Variants in FOXN3 observed in about 807,000 individuals in gnomAD.
FOXN3 encodes forkhead box N3.
Under a neutral mutation model 38.4 loss-of-function variants are expected in FOXN3, and 7 were observed. The observed-to-expected ratio is 0.18, with a 90% CI of 0.10 to 0.34. FOXN3 has a LOEUF of 0.34. FOXN3 is among the 10% of genes least tolerant of loss of function. The probability of loss-of-function intolerance (pLI) is 1.00; values close to 1 mark genes in which losing one functional copy is unlikely to be tolerated. For synonymous variants in FOXN3, 230 were observed against 242.2 expected, an observed-to-expected ratio of 0.95 and a Z score of 0.47; for missense variants, 456 against 613.4, an observed-to-expected ratio of 0.74 and a Z score of 2.71.
intron 1 of FOXN3, among the ~76,000 whole-genome samples, chr14:89,564,102 G>C (rs903827427): frequency 6.6e-6 from 1 of 152,002 alleles, no homozygotes; most frequent in African/African-American, 2.4e-5. Context: ...TAATCCACCC[G>C]CCTCGGCCTC....
intron 1 of FOXN3, among the ~76,000 whole-genome samples, chr14:89,477,886 C>A: frequency 6.6e-6 from 1 of 151,866 alleles, no homozygotes; most frequent in East Asian, 1.9e-4. Context: ...AAAAAATAAC[C>A]AAAGTCCTTT....
chr14:89,540,769 T>G (rs1167474118), intron 1 of FOXN3, among the ~76,000 whole-genome samples: 1 of 149,202 alleles, frequency 6.7e-6, no homozygotes, highest in Non-Finnish European at 1.5e-5. Context: ...AATGAACGAG[T>G]TATATGCCTT....
At chr14:89,463,774 G>GTC (rs1170094701) in intron 1 of FOXN3, among the ~76,000 whole-genome samples, 42 of 140,342 alleles carry the variant, frequency 3.0e-4, no homozygotes, top group African/African-American at 1.0e-3. Context: ...AGGGGTAGTG[G>GTC]TCTCTCTCTC....
chr14:89,415,294 C>T (rs1352649750), intron 1 of FOXN3, among the ~76,000 whole-genome samples: 1 of 152,164 alleles, frequency 6.6e-6, no homozygotes, highest in Non-Finnish European at 1.5e-5. Flanking sequence ...TGACAACATG[C>T]TGCTCTCTTT....
At chr14:89,401,935 T>TGTATTTA (rs1891260830) in intron 2 of FOXN3, among the ~76,000 whole-genome samples, 1 of 152,160 alleles carries the variant, frequency 6.6e-6, no homozygotes, top group Non-Finnish European at 1.5e-5. Flanking sequence ...GCGTATAGCC[T>TGTATTTA]CTCTGCCTGT....
chr14:89,466,435 C>T (rs7148254), intron 1 of FOXN3, among the ~76,000 whole-genome samples: 10,573 of 152,192 alleles, frequency 0.069, 871 homozygotes, highest in African/African-American at 0.2. Flanking sequence ...GTGCCAGTTG[C>T]TTTCTAAGGC....
chr14:89,375,297 C>T (rs1859858018), intron 2 of FOXN3, among the ~76,000 whole-genome samples: 1 of 152,056 alleles, frequency 6.6e-6, no homozygotes, highest in African/African-American at 2.4e-5. Context: ...AATTATGCCT[C>T]AATGAAGTTT....
At chr14:89,533,724 A>G (rs2139839847) in intron 1 of FOXN3, among the ~76,000 whole-genome samples, 1 of 150,894 alleles carries the variant, frequency 6.6e-6, no homozygotes, top group African/African-American at 2.4e-5. Flanking sequence ...AAAGCTTATT[A>G]TCAGCAAAGT....
At chr14:89,431,179 T>G (rs1218476559) in intron 1 of FOXN3, among the ~76,000 whole-genome samples, 1 of 152,238 alleles carries the variant, frequency 6.6e-6, no homozygotes, top group Non-Finnish European at 1.5e-5. Flanking sequence ...GGTCTCTACG[T>G]GTTTAGCACA....
At chr14:89,593,110 GA>G in intron 1 of FOXN3, among the ~76,000 whole-genome samples, 1 of 139,364 alleles carries the variant, frequency 7.2e-6, no homozygotes, top group Non-Finnish European at 1.6e-5. Flanking sequence ...AAAGAAAGGA[GA>G]GAGAGAGAAA....
upstream of FOXN3, among the ~76,000 whole-genome samples, chr14:89,422,224 G>A (rs1891929909): frequency 1.3e-5 from 2 of 152,184 alleles, no homozygotes; most frequent in Admixed American, 6.5e-5. Flanking sequence ...CTGGAGCAGT[G>A]GTTCTCAAAC....
At chr14:89,573,857 C>A (rs977239813) in intron 1 of FOXN3, among the ~76,000 whole-genome samples, 3 of 152,034 alleles carry the variant, frequency 2.0e-5, no homozygotes, top group Non-Finnish European at 4.4e-5. Flanking sequence ...CATGGGGAGA[C>A]CCTGTCTCTA....
At chr14:89,208,213 CA>C (rs1888435119) in intron 4 of FOXN3, among the ~76,000 whole-genome samples, 1 of 152,048 alleles carries the variant, frequency 6.6e-6, no homozygotes, top group African/African-American at 2.4e-5. Flanking sequence ...CTGGGAAGTA[CA>C]AAAAAAGGCG....
At chr14:89,232,580 C>T (rs528213935) in intron 4 of FOXN3, among the ~76,000 whole-genome samples, 1 of 152,230 alleles carries the variant, frequency 6.6e-6, no homozygotes, top group South Asian at 2.1e-4. Context: ...GGAACATGAG[C>T]AGCCCAGAGT....
chr14:89,227,734 C>T (rs1475757997), intron 4 of FOXN3, among the ~76,000 whole-genome samples: 1 of 152,182 alleles, frequency 6.6e-6, no homozygotes, highest in Non-Finnish European at 1.5e-5. Context: ...ACAGAAGGCT[C>T]CGTCTTAGCA....
intron 1 of FOXN3, among the ~76,000 whole-genome samples, chr14:89,519,432 C>T (rs1894275855): frequency 6.6e-6 from 1 of 152,046 alleles, no homozygotes; most frequent in Non-Finnish European, 1.5e-5. Context: ...TACTGATGTA[C>T]CATTATGTAC....
chr14:89,421,728 C>T (rs1891915103), upstream of FOXN3, among the ~76,000 whole-genome samples: 1 of 151,626 alleles, frequency 6.6e-6, no homozygotes, highest in South Asian at 2.1e-4. Flanking sequence ...GGGGTTTCTC[C>T]ACGTTGGTCA....
rs906994112 is a variant in FOXN3, at chr14:89,505,427, G to A, written c.-14-92937C>T. On this transcript the variant is annotated intron_variant, in intron 1 of 6. Coordinates refer to the FOXN3 transcript ENST00000345097. ...GTGCCTGCGATTGCAGGCGCGCACC[G>A]CCACGCCTGACTGGTTTTCGTATTT... Among the ~76,000 whole-genome samples the A allele has an allele frequency of 8.8e-4, 134 of 152,122 alleles. 1 individual carries two copies. The highest frequency in any genetic ancestry group is 3.0e-3 in the African/African-American group (126 of 41,452).
At chr14:89,516,558 AGTTT>A (rs1894207962) in intron 1 of FOXN3, among the ~76,000 whole-genome samples, 2 of 88,410 alleles carry the variant, frequency 2.3e-5, no homozygotes, top group Admixed American at 3.3e-4. Context: ...GGCTGCCAGT[AGTTT>A]TTTTTTTTTT....
Sources: allele counts gnomAD v4.1 joint callset (sites outside exome capture counted in the v4.1 genomes callset), GRCh38; gene constraint gnomAD v4.1.1; transcripts MANE v1.5; gene names NCBI Gene and HGNC (gene_info 2026-07-23, HGNC 2026-07-21).